The following CTNNA3 variants were observed in gnomAD, a reference collection of about 807,000 sequenced individuals.
CTNNA3 encodes catenin alpha-3.
In CTNNA3, 76 loss-of-function variants were observed where a neutral mutation model predicts 95.7. The ratio of observed to expected loss-of-function variants is 0.79; its 90% CI spans 0.66 to 0.96. The LOEUF is 0.96. Among genes scored for constraint, CTNNA3 ranks in the 40% least tolerant of loss-of-function variants. CTNNA3 has a pLI of 0.00. For missense variants in CTNNA3, 1,191 were observed against 1,089.8 expected, an observed-to-expected ratio of 1.09 and a Z score of -1.31; for synonymous variants, 431 against 374.4, an observed-to-expected ratio of 1.15 and a Z score of -1.74.
chr10:67,100,655 A>G (rs1160213010), intron 7 of CTNNA3, among the ~76,000 whole-genome samples: 1 of 151,740 alleles, frequency 6.6e-6, no homozygotes, highest in Non-Finnish European at 1.5e-5. Context: ...TGAAAAATGG[A>G]AAGTTTCACC....
intron 7 of CTNNA3, among the ~76,000 whole-genome samples, chr10:66,835,001 TA>T (rs531862131): frequency 7.1e-4 from 108 of 152,286 alleles, no homozygotes; most frequent in African/African-American, 2.5e-3. Flanking sequence ...CATAAGGCCA[TA>T]GACACTGCAG....
At chr10:66,267,204 A>G (rs2091178797) in intron 13 of CTNNA3, among the ~76,000 whole-genome samples, 1 of 152,060 alleles carries the variant, frequency 6.6e-6, no homozygotes, top group Non-Finnish European at 1.5e-5. Flanking sequence ...TTTGACATGC[A>G]TGAAGACTCT....
chr10:66,207,369 C>T (rs1052064297), intron 13 of CTNNA3, among the ~76,000 whole-genome samples: 2 of 151,794 alleles, frequency 1.3e-5, no homozygotes, highest in African/African-American at 2.4e-5. Context: ...GGATTGGTAC[C>T]CTTCCTTTAT....
At chr10:66,083,909 G>T (rs2080866712) in intron 14 of CTNNA3, among the ~76,000 whole-genome samples, 1 of 152,118 alleles carries the variant, frequency 6.6e-6, no homozygotes, top group Non-Finnish European at 1.5e-5. Context: ...GCCGAGGCAG[G>T]TGGATTACCT....
At chr10:65,969,723 G>A (rs2078054651) in intron 16 of CTNNA3, among the ~76,000 whole-genome samples, 1 of 151,986 alleles carries the variant, frequency 6.6e-6, no homozygotes, top group Non-Finnish European at 1.5e-5. Context: ...AAAAAATAAA[G>A]AAAAAGTAAT....
chr10:67,440,759 G>A (rs1846479863), intron 5 of CTNNA3, among the ~76,000 whole-genome samples: 1 of 151,892 alleles, frequency 6.6e-6, no homozygotes, highest in South Asian at 2.1e-4. Context: ...TAAGTTTGCA[G>A]GAACCACAGC....
intron 13 of CTNNA3, among the ~76,000 whole-genome samples, chr10:66,241,330 A>G (rs2090095736): frequency 6.6e-6 from 1 of 152,116 alleles, no homozygotes; most frequent in Admixed American, 6.6e-5. Context: ...TTTTCTAACA[A>G]CTCTTTGTGA....
intron 5 of CTNNA3, among the ~76,000 whole-genome samples, chr10:67,361,156 C>T (rs1842979693): frequency 6.6e-6 from 1 of 152,066 alleles, no homozygotes; most frequent in Non-Finnish European, 1.5e-5. Context: ...TACAAAAAGA[C>T]TTAGATAGTC....
intron 5 of CTNNA3, among the ~76,000 whole-genome samples, chr10:67,452,760 G>T (rs1404559713): frequency 6.6e-6 from 1 of 152,200 alleles, no homozygotes; most frequent in Non-Finnish European, 1.5e-5. Context: ...CAGGAACACA[G>T]ATAATAGTTT....
chr10:67,425,541 C>T (rs1479890417), intron 5 of CTNNA3, among the ~76,000 whole-genome samples: 1 of 151,946 alleles, frequency 6.6e-6, no homozygotes, highest in Non-Finnish European at 1.5e-5. Flanking sequence ...AAAAAAAAAC[C>T]GTGCAGAAGC....
intron 3 of CTNNA3, among the ~76,000 whole-genome samples, chr10:67,584,996 C>T (rs1373366330): frequency 6.6e-6 from 1 of 152,190 alleles, no homozygotes; most frequent in Non-Finnish European, 1.5e-5. Flanking sequence ...AAGTGAATTC[C>T]CCAAGCCCTT....
intron 8 of CTNNA3, among the ~76,000 whole-genome samples, chr10:66,773,140 T>C (rs1840161959): frequency 6.6e-6 from 1 of 152,104 alleles, no homozygotes; most frequent in Admixed American, 6.5e-5. Flanking sequence ...TAAGTGAGGA[T>C]AATGAGAAAG....
intron 15 of CTNNA3, among the ~76,000 whole-genome samples, chr10:66,034,596 T>G (rs867917962): frequency 1.3e-5 from 2 of 152,250 alleles, no homozygotes; most frequent in Non-Finnish European, 2.9e-5. Context: ...TTGTATAATT[T>G]CTAACTTCAC....
chr10:66,132,453 G>A (rs1393542599), intron 13 of CTNNA3, among the ~76,000 whole-genome samples: 1 of 152,062 alleles, frequency 6.6e-6, no homozygotes, highest in Non-Finnish European at 1.5e-5. Context: ...ACTGTTGGTG[G>A]GAGTGTAAAT....
At chr10:66,270,353 C>A (rs2091253405) in intron 13 of CTNNA3, among the ~76,000 whole-genome samples, 2 of 151,980 alleles carry the variant, frequency 1.3e-5, no homozygotes, top group African/African-American at 4.8e-5. Context: ...TATAGGCATG[C>A]ACCACCATGC....
chr10:66,373,971 T>G (rs989684505), intron 12 of CTNNA3, among the ~76,000 whole-genome samples: 3 of 152,248 alleles, frequency 2.0e-5, no homozygotes, highest in Admixed American at 6.5e-5. Flanking sequence ...CCCCATCCTT[T>G]GACACAGCCC....
chr10:67,643,588 GGTTT>G (rs1164173054), intron 2 of CTNNA3, among the ~76,000 whole-genome samples: 1 of 151,714 alleles, frequency 6.6e-6, no homozygotes, highest in East Asian at 1.9e-4. Context: ...AGAACGTGCA[GGTTT>G]GTTACATAGG....
intron 5 of CTNNA3, among the ~76,000 whole-genome samples, chr10:67,254,960 CACT>C (rs1866275600): frequency 6.6e-6 from 1 of 152,158 alleles, no homozygotes; most frequent in African/African-American, 2.4e-5. Context: ...TTTGAAGTGT[CACT>C]CTAAAATTTT....
intron 16 of CTNNA3, among the ~76,000 whole-genome samples, chr10:65,967,723 A>C (rs1049692322): frequency 2.0e-5 from 3 of 152,196 alleles, no homozygotes; most frequent in African/African-American, 7.2e-5. Flanking sequence ...GAGCTTTATC[A>C]TACCATGGTA....
Sources: gnomAD v4.1 joint callset for allele counts (sites outside exome capture counted in the v4.1 genomes callset) on GRCh38, gnomAD v4.1.1 for gene constraint, MANE v1.5 for transcripts, NCBI Gene and HGNC (gene_info 2026-07-23, HGNC 2026-07-21) for gene names.